ARHGEF4: variants seen among roughly 807,000 people sequenced by gnomAD.
The protein encoded by ARHGEF4 is Rho guanine nucleotide exchange factor 4.
Under a neutral mutation model 162.0 loss-of-function variants are expected in ARHGEF4, and 119 were observed. That is an observed-to-expected ratio of 0.73 (90% CI 0.63 to 0.86). The LOEUF is 0.86. Among genes scored for constraint, ARHGEF4 ranks in the 40% least tolerant of loss-of-function variants. ARHGEF4 has a pLI of 0.00. For missense variants in ARHGEF4, 2,488 were observed against 2,456.0 expected, an observed-to-expected ratio of 1.01 and a Z score of -0.28; for synonymous variants, 1,014 against 979.9, an observed-to-expected ratio of 1.03 and a Z score of -0.65.
Position 131,041,346 on chromosome 2 carries a change from G to A in ARHGEF4, c.4779G>A (p.Leu1593=). The A allele has an allele frequency of 1.2e-6, 2 of 1,613,684 alleles. No individual in the cohort carries two copies. The highest frequency in any genetic ancestry group is 1.7e-6 in the Non-Finnish European group (2 of 1,180,038). The part of the protein sequence containing the change: ...KYVYFFEACR[L]LQKMIDISLD... ...TGTACTTCTTCGAGGCCTGCCGGCT[G>A]CTGCAGAAGATGATTGACATCTCCC... is the stretch of plus-strand genomic sequence containing the variant. The change falls in exon 9 of 14, where the codon CTG becomes CTA. Residue 1593 remains leucine, a synonymous_variant. Coordinates refer to ENST00000409359, the MANE Select transcript of ARHGEF4 (RefSeq NM_001367493.1).
chr2:130,904,987 G>A (rs1323885480), intron 1 of ARHGEF4, among the ~76,000 whole-genome samples: 4 of 152,232 alleles, frequency 2.6e-5, no homozygotes, highest in African/African-American at 7.2e-5. Flanking sequence ...GCTGAGGCAC[G>A]AGAATCGCTT....
intron 4 of ARHGEF4, among the ~76,000 whole-genome samples, chr2:130,948,778 T>G (rs1683776146): frequency 6.6e-6 from 1 of 152,250 alleles, no homozygotes; most frequent in Admixed American, 6.5e-5. Context: ...TTTTCTTTTT[T>G]TCTCAGAAAT....
chr2:131,030,403 G>A (rs766591110), intron 5 of ARHGEF4, among the ~76,000 whole-genome samples: 12 of 152,302 alleles, frequency 7.9e-5, no homozygotes, highest in African/African-American at 2.9e-4. Flanking sequence ...TTGTGTAAGC[G>A]CCTGTTTGGT....
chr2:131,035,741 AGCCCCTCT>A (rs1690227364), intron 5 of ARHGEF4: 1 of 985,332 alleles, frequency 1.0e-6, no homozygotes. Context: ...CCACGGGCAG[AGCCCCTCT>A]GCCCCCCTTG....
At chr2:131,019,121 A>G (rs1370084950) in intron 4 of ARHGEF4, among the ~76,000 whole-genome samples, 1 of 152,214 alleles carries the variant, frequency 6.6e-6, no homozygotes, top group Middle Eastern at 3.2e-3. Flanking sequence ...GTGTAAAAAA[A>G]TGCCACTGGG....
At chr2:130,873,226 G>A (rs1559012258) in intron 1 of ARHGEF4, among the ~76,000 whole-genome samples, 1 of 152,072 alleles carries the variant, frequency 6.6e-6, no homozygotes, top group Admixed American at 6.5e-5. Flanking sequence ...CACCTCATAT[G>A]GTTGTCATAA....
At chr2:130,956,933 G>A (rs2105177475) in intron 4 of ARHGEF4, among the ~76,000 whole-genome samples, 1 of 151,840 alleles carries the variant, frequency 6.6e-6, no homozygotes, top group South Asian at 2.1e-4. Context: ...TGCACATTGT[G>A]CACATGTACC....
intron 4 of ARHGEF4, among the ~76,000 whole-genome samples, chr2:130,990,832 C>CCTTAA (rs1686901627): frequency 6.6e-6 from 1 of 151,868 alleles, no homozygotes; most frequent in South Asian, 2.1e-4. Context: ...TTAATTCTTA[C>CCTTAA]TATCTTTGAA....
At chr2:130,946,998 A>G in intron 4 of ARHGEF4, 1 of 199,322 alleles carries the variant, frequency 5.0e-6, no homozygotes, top group Non-Finnish European at 1.1e-5. Context: ...TGGGAGGCCA[A>G]GGTGGGCGGA....
chr2:131,033,675 G>C (rs1690023690), intron 5 of ARHGEF4, among the ~76,000 whole-genome samples: 1 of 152,152 alleles, frequency 6.6e-6, no homozygotes, highest in Admixed American at 6.5e-5. Flanking sequence ...GATGTCTTCT[G>C]ATCCCCCCAA....
rs549935630 is a variant in ARHGEF4, at chr2:131,035,281, G to A, written c.4126-3572G>A. 183 of 1,213,114 alleles carry A rather than the reference G, an allele frequency of 1.5e-4. 1 individual carries two copies. In the South Asian group the frequency reaches 6.5e-3, roughly 43 times the overall value. The allele number at this position is 1,213,114 out of a possible 1,614,324, so 75.1% of individuals were successfully genotyped here. On this transcript the variant is annotated intron_variant, in intron 5 of 13. Transcript: ENST00000409359. Reference sequence around the variant, plus strand: ...CCGCTGAGCGGCCGCGCAGGGCGCCGCGCCGGGGTGAGTGGCGCGGGCGAC... The same window carrying A: ...CCGCTGAGCGGCCGCGCAGGGCGCCACGCCGGGGTGAGTGGCGCGGGCGAC...
chr2:130,984,919 T>C (rs1686381082), intron 4 of ARHGEF4, among the ~76,000 whole-genome samples: 1 of 152,108 alleles, frequency 6.6e-6, no homozygotes, highest in South Asian at 2.1e-4. Flanking sequence ...TCCTGCTGTC[T>C]GGTACCTACA....
chr2:131,044,051 C>T (rs1391864718), intron 11 of ARHGEF4, among the ~76,000 whole-genome samples: 1 of 152,176 alleles, frequency 6.6e-6, no homozygotes, highest in East Asian at 1.9e-4. Context: ...AGTCTCCCCA[C>T]CTCAAAGACA....
intron 1 of ARHGEF4, among the ~76,000 whole-genome samples, chr2:130,867,245 T>TTA (rs1682349446): frequency 2.6e-5 from 4 of 150,958 alleles, no homozygotes; most frequent in South Asian, 2.1e-4. Flanking sequence ...TATTATTATT[T>TTA]TTTTTTTTTA....
rs71428541 is a variant in ARHGEF4 at position 131,005,005 on chromosome 2, G to A, written c.3986-22940G>A. On this transcript the variant is annotated intron_variant, in intron 4 of 13. Coordinates refer to ENST00000409359, the MANE Select transcript of ARHGEF4 (RefSeq NM_001367493.1). ...GCCCTGGGGCTTTCTGTGAGAGCAG[G>A]GCAGACTGCAGCCCAGCTGGAACAG... 8.8e-3 allele frequency among the ~76,000 whole-genome samples: 1,335 copies of A among 152,280 alleles called. 15 individuals carry two copies. Among genetic ancestry groups the A allele is most frequent in the Non-Finnish European group, 0.015 (1,032 of 68,020 alleles).
chr2:130,915,743 C>A lies in ARHGEF4; in HGVS notation c.1797C>A (p.Pro599=). The A allele has an allele frequency of 6.5e-7, 1 of 1,545,050 alleles. No homozygotes were observed. Among genetic ancestry groups the A allele is most frequent in the African/African-American group, 1.4e-5 (1 of 72,848 alleles). ...CAGCCACGGTGTCTCACTGCGGCCCCGGGGCTGAGGAGGGTGAACAGGGGC... is the reference window on the plus strand; with the variant it reads ...CAGCCACGGTGTCTCACTGCGGCCCAGGGGCTGAGGAGGGTGAACAGGGGC... The part of the protein sequence containing the change: ...FKAATVSHCG[P]GAEEGEQGPG... Residue 599 remains proline (P), a synonymous_variant, in exon 2 of 14, where the codon CCC becomes CCA. Transcript: ENST00000409359.
intron 1 of ARHGEF4, among the ~76,000 whole-genome samples, chr2:130,882,563 C>G (rs1679263481): frequency 6.6e-6 from 1 of 151,994 alleles, no homozygotes; most frequent in Non-Finnish European, 1.5e-5. Context: ...TCTCAATACC[C>G]TCACCTTGGA....
chr2:130,925,035 A>AGTGTGTGT (rs55986926), intron 2 of ARHGEF4, among the ~76,000 whole-genome samples: 109 of 137,964 alleles, frequency 7.9e-4, no homozygotes, highest in Non-Finnish European at 1.0e-3. Context: ...AGGAGTTCTA[A>AGTGTGTGT]GTGTGTGTGT....
intron 5 of ARHGEF4, among the ~76,000 whole-genome samples, chr2:131,028,776 C>T (rs1192421033): frequency 6.6e-6 from 1 of 152,206 alleles, no homozygotes; most frequent in Non-Finnish European, 1.5e-5. Flanking sequence ...AACCAGTTGA[C>T]CAGCACAAGC....
Sources: allele counts gnomAD v4.1 joint callset (sites outside exome capture counted in the v4.1 genomes callset), GRCh38; gene constraint gnomAD v4.1.1; transcripts MANE v1.5; gene names NCBI Gene and HGNC (gene_info 2026-07-23, HGNC 2026-07-21).